SLC16A10: variants seen among roughly 807,000 people sequenced by gnomAD.
The protein encoded by SLC16A10 is solute carrier family 16 member 10.
SLC16A10 carries 27 observed loss-of-function variants against 40.0 expected under a neutral mutation model. The observed-to-expected ratio is 0.67, with a 90% CI of 0.50 to 0.93. SLC16A10 has a LOEUF of 0.93. SLC16A10 is among the 40% of genes least tolerant of loss of function. The probability of loss-of-function intolerance (pLI) is 0.00; values close to 1 mark genes in which losing one functional copy is unlikely to be tolerated. For synonymous variants in SLC16A10, 213 were observed against 249.8 expected, an observed-to-expected ratio of 0.85 and a Z score of 1.39; for missense variants, 529 against 658.2, an observed-to-expected ratio of 0.80 and a Z score of 2.15.
At chr6:111,095,135 G>A (rs1342061543) in intron 1 of SLC16A10, among the ~76,000 whole-genome samples, 2 of 152,224 alleles carry the variant, frequency 1.3e-5, no homozygotes, top group Non-Finnish European at 2.9e-5. Context: ...CCCTTGCCTG[G>A]CCCTCTAGCC....
At chr6:111,182,091 C>T (rs989066518) in intron 3 of SLC16A10, among the ~76,000 whole-genome samples, 8 of 151,956 alleles carry the variant, frequency 5.3e-5, no homozygotes, top group Admixed American at 1.3e-4. Context: ...CTCCACTTCC[C>T]GGATTCAAGT....
chr6:111,220,368 T>G (rs552553394), intron 5 of SLC16A10, among the ~76,000 whole-genome samples: 1 of 152,242 alleles, frequency 6.6e-6, no homozygotes, highest in South Asian at 2.1e-4. Flanking sequence ...AGAAATTCTC[T>G]GAATGATATT....
At chr6:111,095,401 C>A (rs1002686592) in intron 1 of SLC16A10, among the ~76,000 whole-genome samples, 5 of 152,142 alleles carry the variant, frequency 3.3e-5, no homozygotes, top group African/African-American at 1.2e-4. Flanking sequence ...TTGGGGGTAG[C>A]TACATTTTGG....
chr6:111,112,007 T>C (rs773134343), intron 1 of SLC16A10, among the ~76,000 whole-genome samples: 1 of 151,974 alleles, frequency 6.6e-6, no homozygotes, highest in Non-Finnish European at 1.5e-5. Flanking sequence ...TATATAGGTA[T>C]GTATAGATAT....
chr6:111,133,212 A>G lies in SLC16A10; in HGVS notation c.344-39483A>G, dbSNP rs1022474897. On this transcript the variant is annotated intron_variant, in intron 1 of 5. Coordinates refer to ENST00000368851, the MANE Select transcript of SLC16A10 (RefSeq NM_018593.5). ...AGAAAGGCAGGAAAAGGGGTGCAGG[A>G]CTGCTACATCAGTGAGTGCAACTAA... Among the ~76,000 whole-genome samples the G allele has an allele frequency of 2.0e-5, 3 of 152,282 alleles. No individual in the cohort carries two copies. The East Asian group carries it at 5.8e-4, about 29-fold the overall frequency.
At chr6:111,140,648 A>G (rs1003380101) in intron 1 of SLC16A10, among the ~76,000 whole-genome samples, 4 of 152,210 alleles carry the variant, frequency 2.6e-5, no homozygotes, top group African/African-American at 9.7e-5. Flanking sequence ...CTAAATATTT[A>G]AAGTTATTAA....
At chr6:111,118,564 C>G (rs1771529014) in intron 1 of SLC16A10, among the ~76,000 whole-genome samples, 1 of 151,794 alleles carries the variant, frequency 6.6e-6, no homozygotes, top group Non-Finnish European at 1.5e-5. Context: ...GCCTGTAGTC[C>G]CAGCTACTTG....
At chr6:111,123,346 T>C (rs1188847360) in intron 1 of SLC16A10, among the ~76,000 whole-genome samples, 1 of 152,352 alleles carries the variant, frequency 6.6e-6, no homozygotes, top group East Asian at 1.9e-4. Flanking sequence ...TTCAGATTAC[T>C]ACAGGGTAAA....
Position 111,222,198 on chromosome 6 carries a change from C to T in SLC16A10, c.1511C>T (p.Ser504Phe). Reference protein sequence around the residue: ...ENQNSLLSSSSGMFKKESDSI... With the variant: ...ENQNSLLSSSFGMFKKESDSI... The stretch of plus-strand genomic sequence containing the variant: ...CAGAACTCTCTGCTGTCAAGTTCAT[C>T]TGGAATGTTCAAGAAAGAATCTGAC... The change falls in exon 6 of 6, where the codon TCT becomes TTT. Residue 504 changes from serine (S) to phenylalanine (F), a missense_variant. Transcript: ENST00000368851. 1 of 1,606,690 alleles carries T rather than the reference C, an allele frequency of 6.2e-7. No homozygotes were observed. The highest frequency in any genetic ancestry group is 8.5e-7 in the Non-Finnish European group (1 of 1,178,008).
chr6:111,196,514 A>G (rs1773082246), intron 3 of SLC16A10, among the ~76,000 whole-genome samples: 1 of 152,118 alleles, frequency 6.6e-6, no homozygotes. Flanking sequence ...ACACAGATTA[A>G]AAACAAAATA....
At chr6:111,117,327 G>C (rs1022948161) in intron 1 of SLC16A10, among the ~76,000 whole-genome samples, 2 of 135,500 alleles carry the variant, frequency 1.5e-5, no homozygotes, top group Non-Finnish European at 1.5e-5. Flanking sequence ...ACTCCATCCT[G>C]GGCGACAGAG....
At chr6:111,188,281 C>CCCTTCCTT (rs1459586055) in intron 3 of SLC16A10, among the ~76,000 whole-genome samples, 1 of 150,702 alleles carries the variant, frequency 6.6e-6, no homozygotes, top group Non-Finnish European at 1.5e-5. Context: ...CTCTCTCCCT[C>CCCTTCCTT]CCTTCCTTCT....
chr6:111,106,186 G>T (rs1416176170), intron 1 of SLC16A10, among the ~76,000 whole-genome samples: 1 of 152,182 alleles, frequency 6.6e-6, no homozygotes, highest in Non-Finnish European at 1.5e-5. Context: ...TTGAAAAATA[G>T]AATTCATGCA....
At chr6:111,189,216 G>A (rs1422800939) in intron 3 of SLC16A10, among the ~76,000 whole-genome samples, 1 of 152,186 alleles carries the variant, frequency 6.6e-6, no homozygotes, top group Non-Finnish European at 1.5e-5. Context: ...GAGATGGAAG[G>A]TGATGGTAAG....
At chr6:111,099,922 C>T (rs1335965045) in intron 1 of SLC16A10, among the ~76,000 whole-genome samples, 4 of 150,544 alleles carry the variant, frequency 2.7e-5, no homozygotes, top group Admixed American at 1.3e-4. Context: ...ACTCAAAAGG[C>T]TGAGGTGGGA....
intron 1 of SLC16A10, among the ~76,000 whole-genome samples, chr6:111,128,899 T>G (rs962704786): frequency 4.6e-5 from 7 of 152,014 alleles, no homozygotes; most frequent in Admixed American, 4.6e-4. Flanking sequence ...ATAAAACAAT[T>G]TTCATATTCA....
At chr6:111,211,534 G>A (rs1271355935) in intron 4 of SLC16A10, among the ~76,000 whole-genome samples, 1 of 152,206 alleles carries the variant, frequency 6.6e-6, no homozygotes, top group Non-Finnish European at 1.5e-5. Context: ...ATCGTTTGTG[G>A]CACCCAGTAG....
At position 111,172,725 on chromosome 6, in the gene SLC16A10, T is replaced by C; in HGVS notation, c.374T>C (p.Ile125Thr). The change falls in exon 2 of 6, where the codon ATT becomes ACT. Residue 125 changes from isoleucine to threonine, a missense_variant. Ile to Thr is a moderately conservative substitution (Grantham distance 89, BLOSUM62 -1). Transcript: ENST00000368851. ...GTAGGTTCTCTCTCCATGGGGATGATTTTCTTTTGCTGCCCAATAGTCAGC... is the reference window on the plus strand; with the variant it reads ...GTAGGTTCTCTCTCCATGGGGATGACTTTCTTTTGCTGCCCAATAGTCAGC... ...AWVGSLSMGM[I>T]FFCCPIVSVF... 6.2e-7 allele frequency: 1 copy of C among 1,614,138 alleles called. No homozygotes were observed. The highest frequency in any genetic ancestry group is 8.5e-7 in the Non-Finnish European group (1 of 1,179,988).
At chr6:111,167,768 C>T (rs1362735276) in intron 1 of SLC16A10, among the ~76,000 whole-genome samples, 1 of 151,588 alleles carries the variant, frequency 6.6e-6, no homozygotes, top group East Asian at 1.9e-4. Context: ...TCCTGGGCTC[C>T]AGGGAGCCTC....
Sources: gnomAD v4.1 joint callset for allele counts (sites outside exome capture counted in the v4.1 genomes callset) on GRCh38, gnomAD v4.1.1 for gene constraint, MANE v1.5 for transcripts, NCBI Gene and HGNC (gene_info 2026-07-23, HGNC 2026-07-21) for gene names.